ADAM9: variants seen among roughly 807,000 people sequenced by gnomAD.
ADAM9 encodes the protein ADAM metallopeptidase domain 9, also known as disintegrin and metalloproteinase domain-containing protein 9.
ADAM9 carries 54 observed loss-of-function variants against 108.1 expected under a neutral mutation model. The ratio of observed to expected loss-of-function variants is 0.50; its 90% CI spans 0.40 to 0.63. ADAM9 has a LOEUF of 0.63. ADAM9 is among the 20% of genes least tolerant of loss of function. The pLI, the probability that ADAM9 is intolerant of heterozygous loss-of-function variation, is 0.00. For synonymous variants in ADAM9, 316 were observed against 336.0 expected (o/e 0.94, Z 0.65); for missense variants, 830 against 997.7 (o/e 0.83, Z 2.26).
intron 18 of ADAM9, among the ~76,000 whole-genome samples, chr8:39,083,281 T>C (rs759031513): frequency 9.9e-5 from 15 of 152,238 alleles, no homozygotes; most frequent in Non-Finnish European, 7.3e-5. Flanking sequence ...TAGCCTCTTA[T>C]GTAGGCTCCC....
At chr8:39,070,255 T>A (rs1217650438) in intron 14 of ADAM9, among the ~76,000 whole-genome samples, 1 of 152,090 alleles carries the variant, frequency 6.6e-6, no homozygotes, top group Non-Finnish European at 1.5e-5. Flanking sequence ...TACAACATTG[T>A]GTTAATGATA....
rs191188976 is a variant in ADAM9, at chr8:39,098,636, G to A, written c.2299-3227G>A. On this transcript the variant is annotated intron_variant, in intron 20 of 21. Transcript: ENST00000487273. ...TCTGCCTGGTTATTTGTGATTGTTT[G>A]TTATAGTTTTATTATCTGTTTTAAA... Among the ~76,000 whole-genome samples the A allele has an allele frequency of 2.2e-4, 34 of 152,198 alleles. No individual in the cohort carries two copies. The South Asian group carries it at 7.1e-3, about 32-fold the overall frequency.
chr8:39,082,906 T>G, intron 17 of ADAM9, 62 bp from the exon 18 acceptor site: 4 of 1,465,334 alleles, frequency 2.7e-6, no homozygotes, highest in South Asian at 2.3e-5. Context: ...TTTCCATTCT[T>G]GAGTTGATGA....
intron 1 of ADAM9, 89 bp from the exon 2 acceptor site, chr8:39,007,797 T>G: frequency 2.2e-6 from 2 of 892,032 alleles, no homozygotes; most frequent in Non-Finnish European, 3.6e-6. Context: ...GATTTTTCTG[T>G]GATTTGAACA....
chr8:39,090,321 C>T, intron 19 of ADAM9, 133 bp downstream of exon 19: 1 of 680,500 alleles, frequency 1.5e-6, no homozygotes, highest in Non-Finnish European at 2.4e-6. Context: ...TACAGGCACA[C>T]CACCACACCC....
intron 12 of ADAM9, among the ~76,000 whole-genome samples, chr8:39,051,152 T>A (rs1167392367): frequency 6.6e-6 from 1 of 152,108 alleles, no homozygotes. Context: ...AGGTCCTATA[T>A]GTTGTCAGAG....
At chr8:39,008,009 T>C in intron 2 of ADAM9, 26 bp downstream of exon 2, 1 of 1,518,868 alleles carries the variant, frequency 6.6e-7, no homozygotes, top group Non-Finnish European at 9.1e-7. Context: ...TGAGAAATAA[T>C]ATGTGGTTAA....
chr8:39,080,486 C>T (rs1838986064), intron 16 of ADAM9, among the ~76,000 whole-genome samples: 1 of 152,072 alleles, frequency 6.6e-6, no homozygotes, highest in Non-Finnish European at 1.5e-5. Context: ...ACACCTTGAC[C>T]CAAACTGACA....
At chr8:39,008,942 A>G (rs1213343785) in intron 2 of ADAM9, among the ~76,000 whole-genome samples, 2 of 152,230 alleles carry the variant, frequency 1.3e-5, no homozygotes, top group African/African-American at 4.8e-5. Context: ...TAATTTAACA[A>G]TGACAGGTAA....
intron 11 of ADAM9, among the ~76,000 whole-genome samples, chr8:39,035,095 A>G (rs910270709): frequency 6.6e-6 from 1 of 152,118 alleles, no homozygotes; most frequent in East Asian, 1.9e-4. Flanking sequence ...AGACCTCACT[A>G]TGTCTCCTTT....
intron 13 of ADAM9, 118 bp downstream of exon 13, chr8:39,054,691 A>C: frequency 1.2e-6 from 1 of 837,126 alleles, no homozygotes. Context: ...TTTTATGGTC[A>C]TGGGAAAAAT....
chr8:39,061,389 T>C lies in ADAM9; in HGVS notation c.1591+5617T>C, dbSNP rs553220789. ...CACTAGGCCTGCTGTGAGATGGACC[T>C]GAGGTAAAACTTCATCTATCACCTG... On this transcript the variant is annotated intron_variant, in intron 14 of 21. Coordinates refer to ENST00000487273, the MANE Select transcript of ADAM9 (RefSeq NM_003816.3). Among the ~76,000 whole-genome samples the C allele has an allele frequency of 2.0e-5, 3 of 152,346 alleles. No individual in the cohort carries two copies. In the South Asian group the frequency reaches 6.2e-4, roughly 32 times the overall value.
At chr8:39,023,480 CT>C (rs1184083933) in intron 9 of ADAM9, among the ~76,000 whole-genome samples, 155 bp downstream of exon 9, 1 of 152,088 alleles carries the variant, frequency 6.6e-6, no homozygotes, top group African/African-American at 2.4e-5. Context: ...GAGACCTCTT[CT>C]GTTTTGGATT....
At chr8:39,026,934 A>G in intron 11 of ADAM9, 124 bp downstream of exon 11, 1 of 1,239,808 alleles carries the variant, frequency 8.1e-7, no homozygotes, top group Non-Finnish European at 1.1e-6. Flanking sequence ...GCTGAAATTA[A>G]TTGCATGACA....
Position 39,104,478 on chromosome 8 carries a change from A to C in ADAM9, c.*778A>C. 2.6e-6 allele frequency: 1 copy of C among 387,238 alleles called. No homozygotes were observed. The highest frequency in any genetic ancestry group is 5.0e-6 in the Non-Finnish European group (1 of 198,464). 24.0% of individuals were successfully genotyped at this position (387,238 alleles called of 1,614,324 possible). On this transcript the variant is annotated 3_prime_UTR_variant, in exon 22 of 22. Transcript: ENST00000487273. ...CTATTTTAAATAAATTATAAGCTTT[A>C]AGGTACGAAGTATTTAATAGATCTA...
intron 18 of ADAM9, among the ~76,000 whole-genome samples, chr8:39,084,493 T>C (rs1330365892): frequency 6.6e-6 from 1 of 152,094 alleles, no homozygotes; most frequent in African/African-American, 2.4e-5. Flanking sequence ...TGCTATTTCT[T>C]TTGAAATACC....
At position 38,997,004 on chromosome 8, in the gene ADAM9, A is replaced by G. The variant is rs1303701633; in HGVS notation, c.-60A>G. The G allele has an allele frequency of 1.9e-6, 3 of 1,576,878 alleles. No homozygotes were observed. The highest frequency in any genetic ancestry group is 3.5e-5 in the Admixed American group (2 of 56,534). ...GGGGCCCCGGCAGGGTTGGAAAATG[A>G]TGGAAGAGGCGGAGGTGGAGGCGAC... On this transcript the variant is annotated 5_prime_UTR_variant, in exon 1 of 22. An upstream start codon of the reference 5' UTR is lost. Coordinates refer to ENST00000487273, the MANE Select transcript of ADAM9 (RefSeq NM_003816.3).
intron 14 of ADAM9, among the ~76,000 whole-genome samples, chr8:39,066,865 T>A (rs1428693657): frequency 6.6e-6 from 1 of 152,216 alleles, no homozygotes; most frequent in African/African-American, 2.4e-5. Flanking sequence ...GGTTTTCTTC[T>A]AGGGTTTGTA....
chr8:39,105,087 A>G lies in ADAM9; in HGVS notation c.*1387A>G. 1.5e-5 allele frequency: 6 copies of G among 404,962 alleles called. No homozygotes were observed. The highest frequency in any genetic ancestry group is 1.9e-5 in the Non-Finnish European group (4 of 211,734). 25.1% of individuals were successfully genotyped at this position (404,962 alleles called of 1,614,324 possible). A position where few individuals can be genotyped will look rare whatever the true frequency, so the allele number is the denominator to read the frequency against. On this transcript the variant is annotated 3_prime_UTR_variant, in exon 22 of 22. Transcript: ENST00000487273. The stretch of plus-strand genomic sequence containing the variant: ...TAATTTTAGATAAAAATTCTAGTCA[A>G]ATTTTTACAGATATTATCTCACTAA...
Sources: gnomAD v4.1 joint callset for allele counts (sites outside exome capture counted in the v4.1 genomes callset) on GRCh38, gnomAD v4.1.1 for gene constraint, MANE v1.5 for transcripts, NCBI Gene and HGNC (gene_info 2026-07-23, HGNC 2026-07-21) for gene names.